Variants in ADGRL2 observed in about 807,000 individuals in gnomAD.
The protein encoded by ADGRL2 is calcium-independent alpha-latrotoxin receptor 2.
Under a neutral mutation model 157.4 loss-of-function variants are expected in ADGRL2, and 44 were observed. That is an observed-to-expected ratio of 0.28 (90% confidence interval 0.22 to 0.36). ADGRL2 has a LOEUF of 0.36. ADGRL2 is among the 10% of genes least tolerant of loss of function. The probability of loss-of-function intolerance (pLI) is 1.00; values close to 1 mark genes in which losing one functional copy is unlikely to be tolerated. For missense variants in ADGRL2, 1,510 were observed against 1,768.9 expected, an observed-to-expected ratio of 0.85 and a Z score of 2.63; for synonymous variants, 585 against 624.7, an observed-to-expected ratio of 0.94 and a Z score of 0.95.
At chr1:81,972,890 C>A (rs1203404104) in intron 17 of ADGRL2, among the ~76,000 whole-genome samples, 2 of 136,912 alleles carry the variant, frequency 1.5e-5, no homozygotes, top group African/African-American at 2.8e-5. Flanking sequence ...CCAGCCTGGG[C>A]AACAGAGCGA....
intron 1 of ADGRL2, among the ~76,000 whole-genome samples, chr1:81,741,643 T>C (rs760361268): frequency 8.6e-5 from 13 of 152,006 alleles, no homozygotes; most frequent in Admixed American, 2.6e-4. Flanking sequence ...ATATTTTTCT[T>C]AGTAAGAGAA....
chr1:81,659,101 A>G (rs2082599348), intron 3 of ADGRL2, among the ~76,000 whole-genome samples: 1 of 111,428 alleles, frequency 9.0e-6, no homozygotes, highest in Non-Finnish European at 1.7e-5. Flanking sequence ...TCGCTCTGTC[A>G]TCCAGGCTGG....
intron 21 of ADGRL2, 113 bp downstream of exon 21, chr1:81,985,468 G>C (rs55775818): frequency 1.9e-6 from 1 of 537,776 alleles, no homozygotes; most frequent in African/African-American, 2.0e-5. Context: ...AACAGGATGC[G>C]GCTCGAAGGT....
intron 2 of ADGRL2, among the ~76,000 whole-genome samples, chr1:81,475,575 G>A (rs1257519092): frequency 1.3e-5 from 2 of 152,148 alleles, no homozygotes; most frequent in East Asian, 3.9e-4. Flanking sequence ...TTTGATGGAT[G>A]AGGGAAAAAG....
chr1:81,623,785 C>A (rs150161819), intron 3 of ADGRL2, among the ~76,000 whole-genome samples: 13 of 151,874 alleles, frequency 8.6e-5, no homozygotes, highest in Non-Finnish European at 1.8e-4. Context: ...TACAGGCGTG[C>A]GCCACCACAG....
intron 2 of ADGRL2, among the ~76,000 whole-genome samples, chr1:81,507,633 G>A (rs1476709270): frequency 6.6e-6 from 1 of 152,168 alleles, no homozygotes; most frequent in African/African-American, 2.4e-5. Flanking sequence ...AGCGGAAAAG[G>A]ATTCATCAAG....
intron 1 of ADGRL2, among the ~76,000 whole-genome samples, chr1:81,337,491 C>A (rs531934071): frequency 2.0e-5 from 3 of 152,288 alleles, no homozygotes; most frequent in East Asian, 3.9e-4. Flanking sequence ...ACAAGCCATC[C>A]CCTTCATGAA....
At chr1:81,436,399 G>A (rs1186803458) in intron 1 of ADGRL2, among the ~76,000 whole-genome samples, 1 of 152,188 alleles carries the variant, frequency 6.6e-6, no homozygotes, top group Non-Finnish European at 1.5e-5. Context: ...CCTGACAAAA[G>A]GTGGTTAGTA....
chr1:81,559,038 A>G (rs1483009672), intron 2 of ADGRL2, among the ~76,000 whole-genome samples: 1 of 152,068 alleles, frequency 6.6e-6, no homozygotes, highest in Non-Finnish European at 1.5e-5. Context: ...TCTTATTCCT[A>G]TAATCTTCAC....
rs138868885 is a variant in ADGRL2 at position 81,551,732 on chromosome 1, A to C, written c.-247-29144A>C. ...GTGAATGAACAGCCTCTGCATTTCA[A>C]ATATCTTTGAGTATGACTACCTCCT... On this transcript the variant is annotated intron_variant, in intron 2 of 24. Coordinates refer to the ADGRL2 transcript ENST00000370721. Among the ~76,000 whole-genome samples, 4 of 152,336 alleles carry C rather than the reference A, an allele frequency of 2.6e-5. No homozygotes were observed. In the East Asian group the frequency reaches 7.7e-4, roughly 29 times the overall value.
chr1:81,621,351 C>T (rs904623074), intron 3 of ADGRL2, among the ~76,000 whole-genome samples: 29 of 152,304 alleles, frequency 1.9e-4, no homozygotes, highest in Admixed American at 1.8e-3. Flanking sequence ...AGGACCCTGA[C>T]TTGCTTCTAA....
At chr1:81,323,360 C>G (rs1416020400) in intron 1 of ADGRL2, among the ~76,000 whole-genome samples, 1 of 151,650 alleles carries the variant, frequency 6.6e-6, no homozygotes, top group Non-Finnish European at 1.5e-5. Context: ...CCACCTTAGA[C>G]CCCAGAGTAA....
chr1:81,784,706 C>T lies in ADGRL2; in HGVS notation c.-101+22854C>T, dbSNP rs967951820. Among the ~76,000 whole-genome samples the T allele has an allele frequency of 3.8e-5, 5 of 130,410 alleles. No individual in the cohort carries two copies. In the East Asian group the frequency reaches 7.2e-4, roughly 19 times the overall value. The allele number at this position is 130,410 out of a possible 152,430, so 85.6% of individuals were successfully genotyped here. ...TCATGCCATTGCACTCCAGCCTGGGCGACAGAGTGAGACCCCGTCTCAAAA... is the reference window on the plus strand; with the variant it reads ...TCATGCCATTGCACTCCAGCCTGGGTGACAGAGTGAGACCCCGTCTCAAAA... On this transcript the variant is annotated intron_variant, in intron 2 of 20. Coordinates refer to the ADGRL2 transcript ENST00000359929.
At chr1:81,753,436 T>C (rs1448297321) in intron 1 of ADGRL2, among the ~76,000 whole-genome samples, 2 of 152,190 alleles carry the variant, frequency 1.3e-5, no homozygotes, top group East Asian at 1.9e-4. Flanking sequence ...GTGGGAATTA[T>C]GGAAGCTACA....
At chr1:81,886,391 C>T (rs530767170) in intron 2 of ADGRL2, among the ~76,000 whole-genome samples, 22 of 152,250 alleles carry the variant, frequency 1.4e-4, no homozygotes, top group Admixed American at 5.9e-4. Context: ...AGGAAAGTTT[C>T]GATCTCCTGA....
At chr1:81,745,331 C>A (rs1246833128) in intron 1 of ADGRL2, among the ~76,000 whole-genome samples, 2 of 152,188 alleles carry the variant, frequency 1.3e-5, no homozygotes, top group African/African-American at 4.8e-5. Flanking sequence ...GTCACATATG[C>A]TTTCTTGAGC....
intron 1 of ADGRL2, among the ~76,000 whole-genome samples, chr1:81,827,078 A>T (rs1404419089): frequency 6.6e-6 from 1 of 152,196 alleles, no homozygotes; most frequent in African/African-American, 2.4e-5. Context: ...CATTGAGGGG[A>T]GTCCGCATAT....
intron 1 of ADGRL2, among the ~76,000 whole-genome samples, chr1:81,439,474 T>A (rs1342002691): frequency 6.6e-6 from 1 of 152,220 alleles, no homozygotes. Context: ...TTCACTGGAC[T>A]CGCGGCAGGG....
In ADGRL2 at chr1:81,979,954, A is replaced by G; in HGVS notation, c.3107A>G (p.Asn1036Ser). Residue 1036 changes from asparagine to serine, a missense_variant, in exon 18 of 24, where the codon AAC becomes AGC. Around this residue, in one of 4 missense-constraint regions of ADGRL2, gnomAD observed 497 missense variants for 627.2 expected, o/e 0.79. Transcript: ENST00000686636. The part of the protein sequence containing the change: ...TLKPDSSRLE[N>S]IKSWVLGAFA... ...AAACCAGATTCTAGCAGGTTGGAAA[A>G]CATTAAGTAAGTATTTTGTATTTTA... The G allele has an allele frequency of 1.3e-6, 2 of 1,577,548 alleles. No homozygotes were observed. Among genetic ancestry groups the G allele is most frequent in the Non-Finnish European group, 1.7e-6 (2 of 1,148,366 alleles).
Sources: gnomAD v4.1 joint callset for allele counts (sites outside exome capture counted in the v4.1 genomes callset) on GRCh38, gnomAD v4.1.1 for gene constraint, gnomAD v4.1.1 regional missense constraint, MANE v1.5 for transcripts, NCBI Gene and HGNC (gene_info 2026-07-23, HGNC 2026-07-21) for gene names.